KLHL32: variants seen among roughly 807,000 people sequenced by gnomAD.
KLHL32 encodes kelch like family member 32.
KLHL32 carries 35 observed loss-of-function variants against 64.8 expected under a neutral mutation model. That is an observed-to-expected ratio of 0.54 (90% CI 0.41 to 0.72). The LOEUF (loss-of-function observed/expected upper bound fraction) is 0.72, where lower values mean the gene tolerates loss of function less well. Ranked by LOEUF, KLHL32 falls within the 30% of genes least tolerant of loss-of-function variation. KLHL32 has a pLI of 0.00. For missense variants in KLHL32, 589 were observed against 768.5 expected (o/e 0.77, Z 2.76); for synonymous variants, 259 against 281.0 (o/e 0.92, Z 0.78).
At chr6:97,072,875 C>T (rs1013176628) in intron 5 of KLHL32, among the ~76,000 whole-genome samples, 5 of 152,110 alleles carry the variant, frequency 3.3e-5, no homozygotes, top group Non-Finnish European at 7.4e-5. Flanking sequence ...CTCCCCAAGA[C>T]ATAAGTTTAT....
At chr6:96,988,847 T>C (rs1376978832) in intron 3 of KLHL32, among the ~76,000 whole-genome samples, 19 of 152,004 alleles carry the variant, frequency 1.2e-4, no homozygotes, top group South Asian at 6.2e-4. Flanking sequence ...AGCAAACTGT[T>C]GCAAGGACAA....
chr6:96,944,545 T>C (rs1771710273), intron 1 of KLHL32, among the ~76,000 whole-genome samples: 1 of 152,228 alleles, frequency 6.6e-6, no homozygotes, highest in Non-Finnish European at 1.5e-5. Flanking sequence ...TTGATGATGC[T>C]ATATATTCAT....
At chr6:97,062,947 G>A (rs1173818467) in intron 4 of KLHL32, among the ~76,000 whole-genome samples, 3 of 151,882 alleles carry the variant, frequency 2.0e-5, no homozygotes, top group Non-Finnish European at 2.9e-5. Context: ...ATGAGGGAGT[G>A]GCCCAGGCAG....
chr6:96,999,267 GTGCC>G (rs1778749380), intron 3 of KLHL32, among the ~76,000 whole-genome samples: 1 of 151,898 alleles, frequency 6.6e-6, no homozygotes, highest in African/African-American at 2.4e-5. Context: ...ATGGTCACAC[GTGCC>G]TGTAGTCCTC....
intron 3 of KLHL32, among the ~76,000 whole-genome samples, chr6:96,993,697 T>C (rs568809256): frequency 9.8e-5 from 15 of 152,290 alleles, no homozygotes; most frequent in Admixed American, 5.2e-4. Flanking sequence ...CACACTGTTA[T>C]AGATGCTGGT....
intron 6 of KLHL32, among the ~76,000 whole-genome samples, chr6:97,095,110 A>C (rs1480747678): frequency 6.6e-6 from 1 of 152,246 alleles, no homozygotes; most frequent in East Asian, 1.9e-4. Flanking sequence ...ACTATAAGTC[A>C]GCCAATCACA....
chr6:96,956,027 TG>T (rs1397602313), intron 1 of KLHL32, among the ~76,000 whole-genome samples: 33 of 152,206 alleles, frequency 2.2e-4, no homozygotes, highest in Admixed American at 2.2e-3. Context: ...GTCATGTGGC[TG>T]GTGAGGCCTC....
intron 1 of KLHL32, among the ~76,000 whole-genome samples, chr6:96,944,952 T>A (rs1331025866): frequency 2.0e-5 from 3 of 152,210 alleles, no homozygotes; most frequent in Non-Finnish European, 2.9e-5. Context: ...TCTTTACTCT[T>A]AAATTTATAA....
Position 97,025,987 on chromosome 6 carries a change from A to G in KLHL32, c.205-15505A>G, listed in dbSNP as rs59453908. On this transcript the variant is annotated intron_variant, in intron 3 of 10. Transcript: ENST00000369261. ...GAGGCCCTAGAAGAAAAAACTATTT[A>G]TCTTTCTTTTAATGATGGAGCAAAG... Among the ~76,000 whole-genome samples the G allele has an allele frequency of 5.9e-3, 900 of 151,748 alleles. 5 individuals are homozygous for G. The highest frequency in any genetic ancestry group is 0.019 in the African/African-American group (779 of 41,066).
chr6:97,071,400 C>A (rs1401959836), intron 5 of KLHL32, among the ~76,000 whole-genome samples: 1 of 152,092 alleles, frequency 6.6e-6, no homozygotes, highest in East Asian at 1.9e-4. Context: ...TTTTCAATAC[C>A]TTTACAAGTG....
At chr6:96,943,399 A>C (rs1771565837) in intron 1 of KLHL32, among the ~76,000 whole-genome samples, 1 of 152,080 alleles carries the variant, frequency 6.6e-6, no homozygotes. Context: ...AAAAAAAAAA[A>C]AACCTTATAC....
At position 97,022,067 on chromosome 6, in the gene KLHL32, A is replaced by T. The variant is rs149184154; in HGVS notation, c.205-19425A>T. Among the ~76,000 whole-genome samples, 63 of 150,906 alleles carry T rather than the reference A, an allele frequency of 4.2e-4. 1 individual carries two copies. The East Asian group carries it at 9.9e-3, about 24-fold the overall frequency. ...GCCTGGAGTTTTGCAGTATCCTCCT[A>T]GTCTGTTTTCCTTCTTCAATCCTTG... is the stretch of plus-strand genomic sequence containing the variant. On this transcript the variant is annotated intron_variant, in intron 3 of 10. Coordinates refer to ENST00000369261, the MANE Select transcript of KLHL32 (RefSeq NM_052904.4).
At chr6:97,093,671 G>T (rs1794577996) in intron 6 of KLHL32, among the ~76,000 whole-genome samples, 1 of 151,060 alleles carries the variant, frequency 6.6e-6, no homozygotes, top group Middle Eastern at 3.4e-3. Flanking sequence ...GTACAGGAAA[G>T]TGTTGCTGAG....
At chr6:96,954,761 T>A (rs6908552) in intron 1 of KLHL32, among the ~76,000 whole-genome samples, 1 of 152,170 alleles carries the variant, frequency 6.6e-6, no homozygotes, top group Non-Finnish European at 1.5e-5. Flanking sequence ...ATTCTGTCAC[T>A]GGGATGAGAC....
intron 5 of KLHL32, 102 bp downstream of exon 5, chr6:97,064,828 G>A (rs1789466265): frequency 1.1e-6 from 1 of 926,350 alleles, no homozygotes; most frequent in Non-Finnish European, 1.7e-6. Context: ...TAAAGTGGGG[G>A]TGGGGTGTGG....
chr6:96,987,822 T>C (rs1170903798), intron 3 of KLHL32, among the ~76,000 whole-genome samples: 2 of 152,154 alleles, frequency 1.3e-5, no homozygotes, highest in East Asian at 3.8e-4. Flanking sequence ...ATCTGATCTT[T>C]GACAAACCTG....
chr6:97,041,343 G>C, intron 3 of KLHL32, 149 bp from the exon 4 acceptor site: 1 of 601,798 alleles, frequency 1.7e-6, no homozygotes, highest in Non-Finnish European at 3.0e-6. Flanking sequence ...GCAGTGGTTT[G>C]TGTGAATGAC....
intron 3 of KLHL32, among the ~76,000 whole-genome samples, chr6:97,019,403 G>A (rs1369450619): frequency 6.6e-6 from 1 of 152,218 alleles, no homozygotes; most frequent in Non-Finnish European, 1.5e-5. Flanking sequence ...GGACTCCACA[G>A]GGAACACAGG....
chr6:97,101,829 T>C (rs1403111860), intron 6 of KLHL32, among the ~76,000 whole-genome samples: 3 of 152,244 alleles, frequency 2.0e-5, no homozygotes, highest in Non-Finnish European at 4.4e-5. Flanking sequence ...TTATCAACTA[T>C]AGCAATCTCT....
Sources: allele counts gnomAD v4.1 joint callset (sites outside exome capture counted in the v4.1 genomes callset), GRCh38; gene constraint gnomAD v4.1.1; transcripts MANE v1.5; gene names NCBI Gene and HGNC (gene_info 2026-07-23, HGNC 2026-07-21).